Variants in FGGY observed in about 807,000 individuals in gnomAD.
FGGY encodes FGGY carbohydrate kinase domain-containing protein.
FGGY carries 72 observed loss-of-function variants against 71.3 expected under a neutral mutation model. The ratio of observed to expected loss-of-function variants is 1.01; its 90% confidence interval spans 0.84 to 1.23. The LOEUF is 1.23. Among genes scored for constraint, FGGY ranks in the 50% most tolerant of loss-of-function variants. FGGY has a pLI of 0.00. For missense variants in FGGY, 668 were observed against 682.3 expected (o/e 0.98, Z 0.23); for synonymous variants, 251 against 250.3 (o/e 1.00, Z -0.02).
At chr1:59,650,218 T>C (rs557502852) in intron 11 of FGGY, among the ~76,000 whole-genome samples, 1 of 147,228 alleles carries the variant, frequency 6.8e-6, no homozygotes, top group South Asian at 2.1e-4. Context: ...TCTCTTTTTT[T>C]TGTTGTGTCT....
At chr1:59,438,144 C>T (rs968042468) in intron 5 of FGGY, among the ~76,000 whole-genome samples, 2 of 152,134 alleles carry the variant, frequency 1.3e-5, no homozygotes, top group African/African-American at 2.4e-5. Flanking sequence ...CTCACCAAGG[C>T]TTTTAGTTCA....
intron 14 of FGGY, among the ~76,000 whole-genome samples, chr1:59,752,239 T>C (rs6587871): frequency 6.6e-6 from 1 of 152,110 alleles, no homozygotes; most frequent in Non-Finnish European, 1.5e-5. Context: ...TAAGAAACAC[T>C]GCCATCACTT....
intron 7 of FGGY, among the ~76,000 whole-genome samples, chr1:59,522,962 G>T (rs772127626): frequency 2.6e-5 from 4 of 152,200 alleles, no homozygotes; most frequent in African/African-American, 9.6e-5. Context: ...CTACAGAACT[G>T]TATCTGGTAT....
chr1:59,380,736 G>A (rs540881009), intron 5 of FGGY, among the ~76,000 whole-genome samples: 5 of 151,668 alleles, frequency 3.3e-5, no homozygotes, highest in Admixed American at 3.3e-4. Flanking sequence ...CTCCCATTCT[G>A]TAAGTTGCCT....
chr1:59,350,690 G>A (rs1187997331), intron 4 of FGGY, among the ~76,000 whole-genome samples: 1 of 152,196 alleles, frequency 6.6e-6, no homozygotes, highest in Admixed American at 6.5e-5. Context: ...TGGCAGACAT[G>A]TGGAGATTGG....
rs1262042011 is a variant in FGGY at position 59,369,952 on chromosome 1, C to A, written c.466-8797C>A. 2.0e-5 allele frequency among the ~76,000 whole-genome samples: 3 copies of A among 152,178 alleles called. No homozygotes were observed. In the East Asian group the frequency reaches 5.8e-4, roughly 29 times the overall value. On this transcript the variant is annotated intron_variant, in intron 4 of 15. Transcript: ENST00000303721. Reference sequence around the variant, plus strand: ...CAAAGACCAAAAGTAGATAAAACCACAAAGATGGGGAAAAAACAGAGCAGA... The same window carrying A: ...CAAAGACCAAAAGTAGATAAAACCAAAAAGATGGGGAAAAAACAGAGCAGA...
chr1:59,490,238 C>G (rs2093785926), intron 6 of FGGY, among the ~76,000 whole-genome samples: 1 of 152,066 alleles, frequency 6.6e-6, no homozygotes, highest in South Asian at 2.1e-4. Flanking sequence ...TTTTTTTGGA[C>G]AGGGTCTTGC....
intron 5 of FGGY, among the ~76,000 whole-genome samples, chr1:59,412,128 T>C (rs1440769385): frequency 6.6e-6 from 1 of 152,198 alleles, no homozygotes; most frequent in Non-Finnish European, 1.5e-5. Flanking sequence ...CCAGCTGCCG[T>C]GACCAAGTTT....
At chr1:59,721,622 G>A (rs1305383197) in intron 14 of FGGY, among the ~76,000 whole-genome samples, 3 of 151,772 alleles carry the variant, frequency 2.0e-5, no homozygotes, top group Non-Finnish European at 2.9e-5. Flanking sequence ...ACAGGCATAA[G>A]CCACCACACC....
chr1:59,346,153 C>A, intron 3 of FGGY, 94 bp from the exon 4 acceptor site: 1 of 1,464,850 alleles, frequency 6.8e-7, no homozygotes, highest in South Asian at 1.3e-5. Flanking sequence ...ATAGAAAGTA[C>A]ATAGCATTTT....
chr1:59,526,173 T>C (rs909107991), intron 7 of FGGY, among the ~76,000 whole-genome samples: 3 of 152,222 alleles, frequency 2.0e-5, no homozygotes, highest in Non-Finnish European at 4.4e-5. Flanking sequence ...TGTGAGTGGA[T>C]ATGCATGCAT....
chr1:59,543,399 CT>C (rs10715099), intron 7 of FGGY, among the ~76,000 whole-genome samples: 30,690 of 152,006 alleles, frequency 0.2, 4,228 homozygotes, highest in African/African-American at 0.39. Flanking sequence ...ATCTATTTGT[CT>C]TTTTTGGTCT....
In FGGY at chr1:59,424,793, C is replaced by T. The variant is rs369197555; in HGVS notation, c.555-32168C>T. 1.4e-4 allele frequency among the ~76,000 whole-genome samples: 22 copies of T among 152,174 alleles called. 1 individual carries two copies. The highest frequency in any genetic ancestry group is 5.3e-4 in the African/African-American group (22 of 41,518). ...AATGGATGGTAGGCACCATTCAGTG[C>T]TGTTTAGGGTCAAAGGAAGGCATGA... is the stretch of plus-strand genomic sequence containing the variant. On this transcript the variant is annotated intron_variant, in intron 5 of 15. Transcript: ENST00000303721.
chr1:59,721,740 A>G (rs933029438), intron 14 of FGGY, among the ~76,000 whole-genome samples: 1 of 152,206 alleles, frequency 6.6e-6, no homozygotes, highest in Non-Finnish European at 1.5e-5. Context: ...GTATTGATAC[A>G]TTATTATTAT....
At chr1:59,651,968 C>T (rs1170178519) in intron 11 of FGGY, among the ~76,000 whole-genome samples, 2 of 151,298 alleles carry the variant, frequency 1.3e-5, no homozygotes, top group Admixed American at 6.6e-5. Flanking sequence ...AATCTCTCAG[C>T]ATTTGCTTGT....
chr1:59,431,262 C>T (rs2067311200), intron 5 of FGGY, among the ~76,000 whole-genome samples: 2 of 152,162 alleles, frequency 1.3e-5, no homozygotes, highest in South Asian at 2.1e-4. Context: ...CATCCCACTG[C>T]TGGCAGGAAA....
intron 14 of FGGY, among the ~76,000 whole-genome samples, chr1:59,703,106 A>C (rs922620663): frequency 1.3e-5 from 2 of 152,200 alleles, no homozygotes; most frequent in Non-Finnish European, 2.9e-5. Flanking sequence ...AATGAGATAC[A>C]TGTAAAGCAG....
intron 8 of FGGY, among the ~76,000 whole-genome samples, chr1:59,574,390 A>G (rs941487063): frequency 9.2e-5 from 14 of 152,052 alleles, no homozygotes; most frequent in Non-Finnish European, 1.9e-4. Flanking sequence ...AACTCAAATA[A>G]TCCAAGATTG....
intron 14 of FGGY, among the ~76,000 whole-genome samples, chr1:59,677,389 AC>A (rs995964783): frequency 3.3e-5 from 5 of 152,196 alleles, no homozygotes; most frequent in African/African-American, 1.2e-4. Flanking sequence ...CTCATGGACC[AC>A]ACATCTGGTG....
Sources: gnomAD v4.1 joint callset for allele counts (sites outside exome capture counted in the v4.1 genomes callset) on GRCh38, gnomAD v4.1.1 for gene constraint, MANE v1.5 for transcripts, NCBI Gene and HGNC (gene_info 2026-07-23, HGNC 2026-07-21) for gene names.